Variants in GREB1L observed in about 807,000 individuals in gnomAD.
The protein encoded by GREB1L is GREB1 like retinoic acid receptor coactivator, also known as GREB1-like protein.
Under a neutral mutation model 200.8 loss-of-function variants are expected in GREB1L, and 17 were observed. The ratio of observed to expected loss-of-function variants is 0.08; its 90% CI spans 0.06 to 0.13. The LOEUF is 0.13. Among genes scored for constraint, GREB1L ranks in the 10% least tolerant of loss-of-function variants. The pLI is 1.00. For missense variants in GREB1L, 1,657 were observed against 2,367.7 expected, an observed-to-expected ratio of 0.70 and a Z score of 6.23; for synonymous variants, 789 against 893.0, an observed-to-expected ratio of 0.88 and a Z score of 2.08.
intron 17 of GREB1L, among the ~76,000 whole-genome samples, chr18:21,484,324 G>A (rs1341405674): frequency 6.6e-6 from 1 of 150,866 alleles, no homozygotes; most frequent in Non-Finnish European, 1.5e-5. Flanking sequence ...GTAGGCACCC[G>A]CCACCACGCC....
intron 2 of GREB1L, among the ~76,000 whole-genome samples, chr18:21,383,275 A>C (rs1470644074): frequency 1.3e-5 from 2 of 152,160 alleles, no homozygotes; most frequent in Non-Finnish European, 2.9e-5. Flanking sequence ...TTATAGATAC[A>C]AAATCCCTCA....
At chr18:21,273,293 A>C (rs1271441592) in intron 1 of GREB1L, among the ~76,000 whole-genome samples, 2 of 152,238 alleles carry the variant, frequency 1.3e-5, no homozygotes, top group Admixed American at 6.5e-5. Context: ...GCTGCTCACA[A>C]ATAATTAACA....
chr18:21,500,148 C>T lies in GREB1L; in HGVS notation c.3811C>T (p.Leu1271Phe). Residue 1271 changes from leucine to phenylalanine, a missense_variant, in exon 22 of 33, where the codon CTC (leucine) becomes TTC (phenylalanine). This residue lies in a region of GREB1L where 512 missense variants were observed against 668.3 expected (regional missense o/e 0.77). Coordinates refer to ENST00000424526, the MANE Select transcript of GREB1L (RefSeq NM_001142966.3). ...GGCCTGGGTGAGCTCCCTGCGGCCA[C>T]TCCTGAACAAGGACATGAGCAGTGA... Reference protein sequence around the residue: ...DVAWVSSLRPLLNKDMSSEEQ... With the variant: ...DVAWVSSLRPFLNKDMSSEEQ... 1.3e-6 allele frequency: 2 copies of T among 1,551,548 alleles called. No individual in the cohort carries two copies. The highest frequency in any genetic ancestry group is 8.7e-7 in the Non-Finnish European group (1 of 1,147,026).
intron 1 of GREB1L, among the ~76,000 whole-genome samples, chr18:21,299,531 T>TC (rs1017280843): frequency 2.0e-5 from 3 of 151,564 alleles, no homozygotes; most frequent in Non-Finnish European, 4.4e-5. Context: ...CTTTTTTTTT[T>TC]TTTCTTTCTT....
intron 24 of GREB1L, 22 bp downstream of exon 24, chr18:21,505,589 C>T (rs191020593): frequency 3.7e-5 from 58 of 1,550,412 alleles, no homozygotes; most frequent in Admixed American, 5.9e-5. Context: ...CAGCCAAGTT[C>T]ACCTCCTCTC....
intron 17 of GREB1L, among the ~76,000 whole-genome samples, chr18:21,480,855 AC>A (rs2145764010): frequency 6.6e-6 from 1 of 152,176 alleles, no homozygotes; most frequent in African/African-American, 2.4e-5. Flanking sequence ...CCCCATCCCT[AC>A]TAAAAATACA....
At chr18:21,278,399 AATAAAT>A (rs2038211694) in intron 1 of GREB1L, among the ~76,000 whole-genome samples, 5 of 138,060 alleles carry the variant, frequency 3.6e-5, no homozygotes, top group Admixed American at 2.1e-4. Flanking sequence ...AAAATAAATA[AATAAAT>A]AAATAAATAA....
intron 2 of GREB1L, among the ~76,000 whole-genome samples, chr18:21,371,398 C>G (rs889981581): frequency 9.9e-5 from 15 of 151,904 alleles, no homozygotes; most frequent in African/African-American, 3.6e-4. Flanking sequence ...TACTGTAGTG[C>G]CCAACTTTTA....
At chr18:21,372,146 C>T (rs2039898747) in intron 2 of GREB1L, among the ~76,000 whole-genome samples, 1 of 150,394 alleles carries the variant, frequency 6.6e-6, no homozygotes, top group African/African-American at 2.5e-5. Flanking sequence ...ACAAATTTGT[C>T]TCTCTTTTTT....
intron 15 of GREB1L, among the ~76,000 whole-genome samples, chr18:21,463,087 T>C (rs2145581685): frequency 6.6e-6 from 1 of 151,932 alleles, no homozygotes; most frequent in African/African-American, 2.4e-5. Context: ...TAAAACTATT[T>C]TGTGTATATC....
intron 2 of GREB1L, among the ~76,000 whole-genome samples, chr18:21,372,472 C>T (rs867020255): frequency 6.6e-6 from 1 of 151,992 alleles, no homozygotes; most frequent in Admixed American, 6.6e-5. Context: ...AGTATTATAC[C>T]TGACACGAGA....
intron 5 of GREB1L, among the ~76,000 whole-genome samples, chr18:21,398,146 A>G (rs2041164444): frequency 6.6e-6 from 1 of 152,216 alleles, no homozygotes; most frequent in African/African-American, 2.4e-5. Context: ...TCAGTATAAT[A>G]GACTTCATAA....
At chr18:21,509,443 T>G (rs1364902538) in intron 27 of GREB1L, among the ~76,000 whole-genome samples, 3 of 152,184 alleles carry the variant, frequency 2.0e-5, no homozygotes, top group Admixed American at 6.5e-5. Context: ...CACGTGTTTC[T>G]TCTCTCCAGG....
Position 21,505,916 on chromosome 18 carries a change from C to T in GREB1L, c.4335C>T (p.Cys1445=), listed in dbSNP as rs377058231. ...ACACCTTTCACCACTGTGAACAGTG[C>T]CGCCAGTACATGGACTTCACCTCTG... ...AYNTFHHCEQ[C]RQYMDFTSAS... Residue 1445 remains cysteine (C), a synonymous_variant, in exon 25 of 33, where the codon TGC becomes TGT. Transcript: ENST00000424526. 1.3e-6 allele frequency: 2 copies of T among 1,552,264 alleles called. No homozygotes were observed. Among genetic ancestry groups the T allele is most frequent in the Non-Finnish European group, 1.7e-6 (2 of 1,147,092 alleles).
intron 1 of GREB1L, among the ~76,000 whole-genome samples, chr18:21,275,352 T>C (rs987204057): frequency 3.3e-5 from 5 of 152,218 alleles, no homozygotes; most frequent in South Asian, 2.1e-4. Flanking sequence ...ATATTTTTGT[T>C]ACAAGTATGT....
chr18:21,454,309 A>G, intron 14 of GREB1L, 57 bp from the exon 15 acceptor site: 1 of 1,131,202 alleles, frequency 8.8e-7, no homozygotes, highest in Non-Finnish European at 1.3e-6. Flanking sequence ...AGAGATTCAC[A>G]GTGGCCATTA....
At position 21,444,333 on chromosome 18, in the gene GREB1L, A is replaced by C. The variant is rs1245633339; in HGVS notation, c.1317A>C (p.Lys439Asn). ...AGTTGGAAAACAAAGATTTGGAAAAATTAGGGTTGACCGGCAGCCAATTTC... is the reference window on the plus strand; with the variant it reads ...AGTTGGAAAACAAAGATTTGGAAAACTTAGGGTTGACCGGCAGCCAATTTC... ...IPQLENKDLE[K>N]LGLTGSQFLS... Residue 439 changes from lysine to asparagine, a missense_variant, in exon 11 of 33, where the codon AAA (lysine) becomes AAC (asparagine). Transcript: ENST00000424526. 2 of 1,552,088 alleles carry C rather than the reference A, an allele frequency of 1.3e-6. No individual in the cohort carries two copies. The highest frequency in any genetic ancestry group is 2.7e-5 in the African/African-American group (2 of 73,044).
At chr18:21,410,828 C>A (rs1180685491) in intron 7 of GREB1L, among the ~76,000 whole-genome samples, 1 of 150,760 alleles carries the variant, frequency 6.6e-6, no homozygotes, top group East Asian at 2.0e-4. Context: ...ACTTATGGGC[C>A]AGGCACATGG....
intron 1 of GREB1L, among the ~76,000 whole-genome samples, chr18:21,319,254 AAGGGGAAAC>A (rs2038916601): frequency 6.6e-6 from 1 of 152,232 alleles, no homozygotes; most frequent in Non-Finnish European, 1.5e-5. Context: ...TCATACAGAG[AAGGGGAAAC>A]ATATTTCCTA....
Sources: gnomAD v4.1 joint callset for allele counts (sites outside exome capture counted in the v4.1 genomes callset) on GRCh38, gnomAD v4.1.1 for gene constraint, gnomAD v4.1.1 regional missense constraint, MANE v1.5 for transcripts, NCBI Gene and HGNC (gene_info 2026-07-23, HGNC 2026-07-21) for gene names.